The following HOATZ variants were observed in gnomAD, a reference collection of about 807,000 sequenced individuals.
HOATZ encodes the protein cilia- and flagella-associated protein HOATZ.
A neutral mutation model predicts 24.9 loss-of-function variants in HOATZ; 26 were observed. The observed-to-expected ratio is 1.04, with a 90% CI of 0.76 to 1.45. The LOEUF (loss-of-function observed/expected upper bound fraction) is 1.45. HOATZ is among the 40% of genes most tolerant of loss of function. HOATZ has a pLI of 0.00. For missense variants in HOATZ, 226 were observed against 201.5 expected (o/e 1.12, Z -0.74); for synonymous variants, 83 against 76.6 (o/e 1.08, Z -0.43).
At chr11:111,520,801 T>C (rs1867259813) in intron 3 of HOATZ, among the ~76,000 whole-genome samples, 2 of 152,236 alleles carry the variant, frequency 1.3e-5, no homozygotes, top group Admixed American at 1.3e-4. Flanking sequence ...GGATCCATGC[T>C]GTAGACACTA....
In HOATZ at chr11:111,533,741, A is replaced by T. The variant is rs758323194; in HGVS notation, c.340-5A>T. On this transcript the variant is annotated splice_polypyrimidine_tract_variant and splice_region_variant and intron_variant, in intron 3 of 5. Coordinates refer to ENST00000375618, the MANE Select transcript of HOATZ (RefSeq NM_001100388.2). The stretch of plus-strand genomic sequence containing the variant: ...AGACACCCACTTTTTTCTTTCTTTA[A>T]ACAGGCTAAAACAAGAGAAGAGATT... 7 of 1,586,174 alleles carry T rather than the reference A, an allele frequency of 4.4e-6. No homozygotes were observed. Among genetic ancestry groups the T allele is most frequent in the Non-Finnish European group, 6.0e-6 (7 of 1,172,016 alleles).
Position 111,515,514 on chromosome 11 carries a change from A to G in HOATZ, c.230A>G (p.Asn77Ser). The change falls in exon 2 of 6, where the codon AAC (asparagine) becomes AGC (serine). Residue 77 changes from asparagine (N) to serine (S), a missense_variant. Coordinates refer to ENST00000375618, the MANE Select transcript of HOATZ (RefSeq NM_001100388.2). ...ACTTCCCTTTTGTATTTTTTAGAAA[A>G]CAGCCACTCCTCGCAGTCTTTTCAC... ...ARPRRSRGSE[N>S]SHSSQSFHLA... The G allele has an allele frequency of 1.2e-6, 2 of 1,613,138 alleles. No individual in the cohort carries two copies. Among genetic ancestry groups the G allele is most frequent in the Non-Finnish European group, 1.7e-6 (2 of 1,179,416 alleles).
intron 5 of HOATZ, chr11:111,535,512 C>T (rs1448319531): frequency 1.3e-5 from 2 of 152,220 alleles, no homozygotes; most frequent in African/African-American, 4.8e-5. Flanking sequence ...AATAATAAAA[C>T]ATTTCCCGGC....
chr11:111,524,374 A>G (rs1436255703), intron 3 of HOATZ, among the ~76,000 whole-genome samples: 1 of 152,216 alleles, frequency 6.6e-6, no homozygotes, highest in African/African-American at 2.4e-5. Context: ...AATTTGATAG[A>G]CGTTCAAAAA....
intron 3 of HOATZ, among the ~76,000 whole-genome samples, chr11:111,528,480 A>G (rs1460862165): frequency 2.0e-5 from 3 of 152,260 alleles, no homozygotes; most frequent in African/African-American, 7.2e-5. Flanking sequence ...CAATTAATTT[A>G]TAATTTAAAA....
chr11:111,531,497 A>C (rs1288015180), intron 3 of HOATZ, among the ~76,000 whole-genome samples: 2 of 152,260 alleles, frequency 1.3e-5, no homozygotes, highest in African/African-American at 2.4e-5. Context: ...AGCAATTAAT[A>C]CTGATTGAAT....
intron 3 of HOATZ, among the ~76,000 whole-genome samples, chr11:111,520,258 G>T (rs1017384388): frequency 9.9e-4 from 150 of 152,238 alleles, no homozygotes; most frequent in African/African-American, 3.3e-3. Flanking sequence ...AAGCTCTTCA[G>T]CTGATTATCC....
rs375333520 is a variant in HOATZ, at chr11:111,536,841, T to C, written c.*14T>C. ...ACTTTGGACTAATTTGCTTGACACATGGCAGAGGATGGCTCACTTATACCT... is the reference window on the plus strand; with the variant it reads ...ACTTTGGACTAATTTGCTTGACACACGGCAGAGGATGGCTCACTTATACCT... On this transcript the variant is annotated 3_prime_UTR_variant, in exon 6 of 6. Transcript: ENST00000375618. 53 of 1,607,712 alleles carry C rather than the reference T, an allele frequency of 3.3e-5. No individual in the cohort carries two copies. In the African/African-American group the frequency reaches 5.9e-4, roughly 18 times the overall value.
intron 3 of HOATZ, among the ~76,000 whole-genome samples, chr11:111,517,220 AATATTATGTACTGT>A (rs1395266514): frequency 1.3e-5 from 2 of 152,042 alleles, no homozygotes; most frequent in African/African-American, 4.8e-5. Flanking sequence ...CTCTCTTTAG[AATATTATGTACTGT>A]ATATTTATAT....
intron 3 of HOATZ, among the ~76,000 whole-genome samples, chr11:111,520,552 A>G (rs1290821559): frequency 1.3e-5 from 2 of 152,226 alleles, no homozygotes; most frequent in Non-Finnish European, 2.9e-5. Flanking sequence ...AAAGTTTGTT[A>G]TATGGCACTT....
chr11:111,535,649 T>C (rs1565255512), intron 5 of HOATZ: 1 of 152,056 alleles, frequency 6.6e-6, no homozygotes, highest in Non-Finnish European at 1.5e-5. Context: ...ACTATTAACT[T>C]CTTCTAGCTA....
chr11:111,526,929 G>A (rs970595129), intron 3 of HOATZ, among the ~76,000 whole-genome samples: 1 of 152,162 alleles, frequency 6.6e-6, no homozygotes, highest in Non-Finnish European at 1.5e-5. Flanking sequence ...GAAAAGCTTT[G>A]ATAATTATTG....
rs542659606 is a variant in HOATZ at position 111,532,486 on chromosome 11, G to A, written c.340-1260G>A. On this transcript the variant is annotated intron_variant, in intron 3 of 5. Coordinates refer to ENST00000375618, the MANE Select transcript of HOATZ (RefSeq NM_001100388.2). Reference sequence around the variant, plus strand: ...ATTGCCACGTGAAGACAGACACACAGAGAGAATGCCATGTGACAACAAAGG... The same window carrying A: ...ATTGCCACGTGAAGACAGACACACAAAGAGAATGCCATGTGACAACAAAGG... 3.3e-5 allele frequency among the ~76,000 whole-genome samples: 5 copies of A among 152,306 alleles called. No individual in the cohort carries two copies. The East Asian group carries it at 9.6e-4, about 29-fold the overall frequency.
At chr11:111,534,238 C>T (rs148490146) in intron 4 of HOATZ, among the ~76,000 whole-genome samples, 174 bp from the exon 5 acceptor site, 68 of 152,228 alleles carry the variant, frequency 4.5e-4, no homozygotes, top group African/African-American at 1.6e-3. Context: ...TGAATAAACC[C>T]CAAACTCTCT....
intron 3 of HOATZ, among the ~76,000 whole-genome samples, chr11:111,523,969 T>C (rs1867301914): frequency 6.6e-6 from 1 of 152,218 alleles, no homozygotes; most frequent in Admixed American, 6.5e-5. Flanking sequence ...CTGTTTCTCC[T>C]GTAGCTTCCA....
At chr11:111,518,453 C>T (rs1019456955) in intron 3 of HOATZ, among the ~76,000 whole-genome samples, 2 of 152,146 alleles carry the variant, frequency 1.3e-5, no homozygotes, top group African/African-American at 4.8e-5. Flanking sequence ...AGGTACTGTA[C>T]ACTAAACTAA....
intron 3 of HOATZ, among the ~76,000 whole-genome samples, chr11:111,533,353 A>C (rs757401398): frequency 6.6e-6 from 1 of 152,214 alleles, no homozygotes; most frequent in African/African-American, 2.4e-5. Flanking sequence ...CAAACTTCTG[A>C]GTTATTATAA....
At chr11:111,530,537 T>A (rs926258548) in intron 3 of HOATZ, among the ~76,000 whole-genome samples, 2 of 152,160 alleles carry the variant, frequency 1.3e-5, no homozygotes, top group Non-Finnish European at 2.9e-5. Context: ...CACAATTTAT[T>A]TTTTCAGGAA....
chr11:111,518,955 C>T (rs1867237718), intron 3 of HOATZ: 1 of 451,860 alleles, frequency 2.2e-6, no homozygotes, highest in Non-Finnish European at 4.4e-6. Context: ...AGTATTTGTA[C>T]AGTCTCTGAT....
Sources: gnomAD v4.1 joint callset for allele counts (sites outside exome capture counted in the v4.1 genomes callset) on GRCh38, gnomAD v4.1.1 for gene constraint, MANE v1.5 for transcripts, NCBI Gene and HGNC (gene_info 2026-07-23, HGNC 2026-07-21) for gene names.